Variants in CSMD2 observed in about 807,000 individuals in gnomAD.
CSMD2 encodes CUB and sushi domain-containing protein 2.
A neutral mutation model predicts 398.5 loss-of-function variants in CSMD2; 130 were observed. The ratio of observed to expected loss-of-function variants is 0.33; its 90% CI spans 0.28 to 0.38. CSMD2 has a LOEUF of 0.38. CSMD2 is among the 10% of genes least tolerant of loss of function. The pLI, the probability that CSMD2 is intolerant of heterozygous loss-of-function variation, is 1.00. For missense variants in CSMD2, 3,829 were observed against 4,764.9 expected (o/e 0.80, Z 5.78); for synonymous variants, 1,828 against 1,908.5 (o/e 0.96, Z 1.10).
chr1:34,116,721 C>T lies in CSMD2; in HGVS notation c.188-27528G>A, dbSNP rs79554849. Among the ~76,000 whole-genome samples the T allele has an allele frequency of 5.7e-3, 872 of 152,144 alleles. 9 individuals are homozygous for T. Among genetic ancestry groups the T allele is most frequent in the African/African-American group, 0.02 (833 of 41,546 alleles). On this transcript the variant is annotated intron_variant, in intron 1 of 70. Transcript: ENST00000373381. ...TCTCAAGTGCGTATGAAACATTCTT[C>T]AAGACAGATCACATGCTAGGCCATA...
At chr1:33,823,515 G>C (rs1444301678) in intron 7 of CSMD2, among the ~76,000 whole-genome samples, 2 of 152,100 alleles carry the variant, frequency 1.3e-5, no homozygotes, top group African/African-American at 4.8e-5. Flanking sequence ...CTCTACTCTG[G>C]GAGGGCCACT....
In CSMD2 at chr1:33,923,305, G is replaced by C. The variant is rs114635162; in HGVS notation, c.713-5004C>G. ...CTTGTGACAGTGAGTGAGTCATCTC[G>C]AGAGCTGATTGTTTAAAATTGTGTG... On this transcript the variant is annotated intron_variant, in intron 4 of 70. Coordinates refer to ENST00000373381, the MANE Select transcript of CSMD2 (RefSeq NM_001281956.2). 2.1e-3 allele frequency among the ~76,000 whole-genome samples: 326 copies of C among 152,114 alleles called. 3 individuals carry two copies. Among genetic ancestry groups the C allele is most frequent in the African/African-American group, 7.3e-3 (303 of 41,468 alleles).
intron 53 of CSMD2, 115 bp downstream of exon 53, chr1:33,567,478 C>A: frequency 2.1e-6 from 1 of 465,120 alleles, no homozygotes; most frequent in Non-Finnish European, 3.3e-6. Flanking sequence ...AAATAGCAAT[C>A]ATATATATAT....
In CSMD2 at chr1:33,542,720, C is replaced by T. The variant is rs767520444; in HGVS notation, c.9277G>A (p.Val3093Ile). Residue 3093 changes from valine (V) to isoleucine (I), a missense_variant and splice_region_variant, in exon 58 of 71, where the codon GTC becomes ATC. Around this residue, in one of 5 missense-constraint regions of CSMD2, gnomAD observed 917 missense variants for 1,199.5 expected, o/e 0.76. Coordinates refer to ENST00000373381, the MANE Select transcript of CSMD2 (RefSeq NM_001281956.2). ...TWTGSDPECL[V>I]INCGDPGIPA... is the part of the protein sequence containing the mutation. Reference sequence around the variant, plus strand: ...GAACCCGTAGGGCCTGAGCTCTCACCGAGGCACTCAGGGTCACTGCCTGTC... The same window carrying T: ...GAACCCGTAGGGCCTGAGCTCTCACTGAGGCACTCAGGGTCACTGCCTGTC... 3.1e-6 allele frequency: 5 copies of T among 1,612,428 alleles called. No homozygotes were observed. The highest frequency in any genetic ancestry group is 2.2e-5 in the South Asian group (2 of 90,806).
chr1:33,688,564 C>G (rs1645131765), intron 25 of CSMD2, among the ~76,000 whole-genome samples: 1 of 152,156 alleles, frequency 6.6e-6, no homozygotes, highest in African/African-American at 2.4e-5. Context: ...GTGGCTCACA[C>G]CTGTAATCCC....
chr1:34,125,005 T>G (rs1426387253), intron 1 of CSMD2, among the ~76,000 whole-genome samples: 1 of 152,072 alleles, frequency 6.6e-6, no homozygotes, highest in Non-Finnish European at 1.5e-5. Context: ...TGGGAATGAG[T>G]GTGTCAATCA....
At chr1:33,647,139 T>A (rs888765972) in intron 28 of CSMD2, among the ~76,000 whole-genome samples, 1 of 152,222 alleles carries the variant, frequency 6.6e-6, no homozygotes, top group Non-Finnish European at 1.5e-5. Flanking sequence ...TTGCCAACTC[T>A]GGACACCAAG....
rs140313592 is a variant in CSMD2 at position 33,657,416 on chromosome 1, G to A, written c.4447+530C>T. Among the ~76,000 whole-genome samples, 472 of 152,316 alleles carry A rather than the reference G, an allele frequency of 3.1e-3. 2 individuals carry two copies. Among genetic ancestry groups the A allele is most frequent in the Non-Finnish European group, 4.9e-3 (335 of 68,018 alleles). Reference sequence around the variant, plus strand: ...TTGAGCTCAGGAGGTCAAGGCTGCAGTGAGTTGTGATGGTGCCACTGCACT... The same window carrying A: ...TTGAGCTCAGGAGGTCAAGGCTGCAATGAGTTGTGATGGTGCCACTGCACT... On this transcript the variant is annotated intron_variant, in intron 27 of 70. Transcript: ENST00000373381.
chr1:33,617,067 C>T (rs1641440400), intron 38 of CSMD2, 92 bp from the exon 39 acceptor site: 10 of 946,426 alleles, frequency 1.1e-5, no homozygotes, highest in South Asian at 8.4e-5. Context: ...GGTTCAGGGG[C>T]CTCATGTTAA....
rs756784492 is a variant in CSMD2 at position 33,759,324 on chromosome 1, C to CTTTT, written c.1846+13241_1846+13244dup. 5.1e-4 allele frequency among the ~76,000 whole-genome samples: 64 copies of CTTTT among 124,730 alleles called. 1 individual carries two copies. Among genetic ancestry groups the CTTTT allele is most frequent in the South Asian group, 1.0e-3 (4 of 3,834 alleles). 81.8% of individuals were successfully genotyped at this position (124,730 alleles called of 152,430 possible). ...GCTTGAGTTTCTTTTCTTTTTTTTT[C>CTTTT]TTTTTTTTTTTTTTTTTTTGAGACA... On this transcript the variant is annotated intron_variant, in intron 13 of 70. Coordinates refer to ENST00000373381, the MANE Select transcript of CSMD2 (RefSeq NM_001281956.2).
rs773952980 is a variant in CSMD2, at chr1:33,600,891, C to A, written c.6830G>T (p.Gly2277Val). ...GGAGAAAGCTATGGCGAAGATCCCC[C>A]CTGTGGCTGCATCACGGTGGAACTT... ...LLKFHRDAAT[G>V]GIFAIAFSAY... The change falls in exon 44 of 71, where the codon GGG becomes GTG. Residue 2277 changes from glycine to valine, a missense_variant. By Grantham distance (109) the Gly-to-Val change is moderately radical. This residue lies in a region of CSMD2 where 723 missense variants were observed against 758.6 expected (regional missense o/e 0.95). Coordinates refer to ENST00000373381, the MANE Select transcript of CSMD2 (RefSeq NM_001281956.2). 1.1e-5 allele frequency: 18 copies of A among 1,614,146 alleles called. No individual in the cohort carries two copies. The highest frequency in any genetic ancestry group is 1.5e-5 in the Non-Finnish European group (18 of 1,180,012).
intron 3 of CSMD2, among the ~76,000 whole-genome samples, chr1:33,944,517 C>A (rs934881621): frequency 2.0e-5 from 3 of 152,122 alleles, no homozygotes; most frequent in African/African-American, 4.8e-5. Flanking sequence ...AAATAGGATT[C>A]ATTTTTAGTC....
intron 15 of CSMD2, among the ~76,000 whole-genome samples, chr1:33,734,485 T>A (rs1270137260): frequency 6.6e-6 from 1 of 151,962 alleles, no homozygotes; most frequent in Non-Finnish European, 1.5e-5. Context: ...TCTTTAAAAT[T>A]TAAAAAATGA....
At chr1:34,156,659 G>A (rs1640832966) in intron 1 of CSMD2, among the ~76,000 whole-genome samples, 2 of 152,126 alleles carry the variant, frequency 1.3e-5, no homozygotes, top group Non-Finnish European at 2.9e-5. Context: ...AGGTAGGAAG[G>A]CTATTTGTGT....
At chr1:33,637,587 G>A (rs948184902) in intron 29 of CSMD2, among the ~76,000 whole-genome samples, 16 of 152,208 alleles carry the variant, frequency 1.1e-4, no homozygotes, top group South Asian at 2.1e-4. Flanking sequence ...CCTTTCCTCC[G>A]TCCTCCTTGT....
At chr1:34,101,518 C>G (rs1411055917) in intron 1 of CSMD2, among the ~76,000 whole-genome samples, 1 of 152,230 alleles carries the variant, frequency 6.6e-6, no homozygotes, top group East Asian at 1.9e-4. Context: ...GAATACCTAT[C>G]TCACAGCACC....
chr1:33,806,640 T>C lies in CSMD2; in HGVS notation c.1446+4103A>G, dbSNP rs112932528. ...AATATAAAATAAGTATGTTTAATTATGGAAAGAATTCAAGAATGATCTAAA... is the reference window on the plus strand; with the variant it reads ...AATATAAAATAAGTATGTTTAATTACGGAAAGAATTCAAGAATGATCTAAA... On this transcript the variant is annotated intron_variant, in intron 10 of 70. Transcript: ENST00000373381. Among the ~76,000 whole-genome samples the C allele has an allele frequency of 9.0e-3, 1,370 of 152,330 alleles. 19 individuals are homozygous for C. Among genetic ancestry groups the C allele is most frequent in the African/African-American group, 0.032 (1,319 of 41,576 alleles).
At chr1:33,930,643 T>C (rs917265973) in intron 4 of CSMD2, among the ~76,000 whole-genome samples, 6 of 152,210 alleles carry the variant, frequency 3.9e-5, no homozygotes, top group African/African-American at 1.4e-4. Context: ...CCAGGGCCAA[T>C]GGCCCTCATA....
intron 7 of CSMD2, among the ~76,000 whole-genome samples, chr1:33,823,334 A>C (rs12096149): frequency 0.13 from 19,307 of 152,102 alleles, 1,978 homozygotes; most frequent in African/African-American, 0.29. Flanking sequence ...AAGCAAACTT[A>C]AATCTCAGCG....
Sources: gnomAD v4.1 joint callset for allele counts (sites outside exome capture counted in the v4.1 genomes callset) on GRCh38, gnomAD v4.1.1 for gene constraint, gnomAD v4.1.1 regional missense constraint, MANE v1.5 for transcripts, NCBI Gene and HGNC (gene_info 2026-07-23, HGNC 2026-07-21) for gene names.